EFCAB5: variants seen among roughly 807,000 people sequenced by gnomAD.
The protein encoded by EFCAB5 is EF-hand calcium binding domain 5.
EFCAB5 carries 131 observed loss-of-function variants against 167.9 expected under a neutral mutation model. The observed-to-expected ratio is 0.78, with a 90% CI of 0.68 to 0.90. The LOEUF is 0.90. Ranked by LOEUF, EFCAB5 falls within the 40% of genes least tolerant of loss-of-function variation. The pLI, the probability that EFCAB5 is intolerant of heterozygous loss-of-function variation, is 0.00. For missense variants in EFCAB5, 1,663 were observed against 1,745.2 expected, an observed-to-expected ratio of 0.95 and a Z score of 0.84; for synonymous variants, 574 against 602.8, an observed-to-expected ratio of 0.95 and a Z score of 0.70.
At chr17:30,107,585 TTGAA>T (rs2071465323) in intron 22 of EFCAB5, among the ~76,000 whole-genome samples, 1 of 152,232 alleles carries the variant, frequency 6.6e-6, no homozygotes, top group Non-Finnish European at 1.5e-5. Flanking sequence ...ACTTTTTGTA[TTGAA>T]TATTTTGAGA....
intron 4 of EFCAB5, 28 bp downstream of exon 4, chr17:29,969,395 G>T (rs1176066475): frequency 4.0e-6 from 6 of 1,510,876 alleles, no homozygotes; most frequent in South Asian, 2.7e-5. Context: ...TTCAGTTCAT[G>T]ATCTGTCTCC....
chr17:29,947,172 C>CAA (rs71278523), intron 3 of EFCAB5, among the ~76,000 whole-genome samples: 3 of 66,856 alleles, frequency 4.5e-5, no homozygotes, highest in African/African-American at 1.2e-4. Context: ...GACTCCATCT[C>CAA]AAAAAAAAAA....
chr17:29,991,551 C>T (rs901397767), intron 4 of EFCAB5, among the ~76,000 whole-genome samples: 1 of 152,232 alleles, frequency 6.6e-6, no homozygotes, highest in African/African-American at 2.4e-5. Context: ...GCACAGATCG[C>T]TCATGCTATT....
chr17:30,040,600 A>C (rs772006123), intron 8 of EFCAB5, among the ~76,000 whole-genome samples: 14 of 152,254 alleles, frequency 9.2e-5, no homozygotes, highest in Non-Finnish European at 1.8e-4. Context: ...CCATACATCC[A>C]GAAGTTAATC....
At chr17:30,036,585 A>G (rs905286362) in intron 8 of EFCAB5, among the ~76,000 whole-genome samples, 2 of 151,460 alleles carry the variant, frequency 1.3e-5, no homozygotes, top group African/African-American at 4.9e-5. Context: ...ATGTACCACC[A>G]TGCCTGGCTA....
At chr17:29,931,261 G>T (rs2067190046) in intron 1 of EFCAB5, among the ~76,000 whole-genome samples, 1 of 152,200 alleles carries the variant, frequency 6.6e-6, no homozygotes, top group Admixed American at 6.5e-5. Flanking sequence ...GGAGTTTGCA[G>T]TTATTAAAAC....
intron 7 of EFCAB5, among the ~76,000 whole-genome samples, chr17:30,033,981 T>C (rs990495039): frequency 6.6e-6 from 1 of 152,226 alleles, no homozygotes; most frequent in Non-Finnish European, 1.5e-5. Context: ...TGATGTGATA[T>C]AGAGGGAAAT....
At chr17:29,985,613 G>A (rs1480530738) in intron 4 of EFCAB5, among the ~76,000 whole-genome samples, 3 of 152,184 alleles carry the variant, frequency 2.0e-5, no homozygotes, top group Non-Finnish European at 4.4e-5. Flanking sequence ...GAAACAAAGG[G>A]ATGGGCTGAA....
At chr17:30,071,722 T>C (rs897621926) in intron 14 of EFCAB5, among the ~76,000 whole-genome samples, 3 of 152,210 alleles carry the variant, frequency 2.0e-5, no homozygotes, top group Non-Finnish European at 4.4e-5. Flanking sequence ...TTACTCACAA[T>C]AGCTGAGATA....
intron 4 of EFCAB5, 95 bp from the exon 5 acceptor site, chr17:29,993,070 A>T: frequency 1.6e-6 from 2 of 1,274,336 alleles, no homozygotes; most frequent in Non-Finnish European, 2.1e-6. Context: ...AAAGACAGGC[A>T]AACATTTTCA....
At chr17:30,105,187 A>G (rs1333398372) in intron 22 of EFCAB5, among the ~76,000 whole-genome samples, 1 of 152,154 alleles carries the variant, frequency 6.6e-6, no homozygotes, top group Non-Finnish European at 1.5e-5. Flanking sequence ...TTTCCAGGAA[A>G]CTAATTAACA....
At chr17:29,998,931 A>G (rs1408456200) in intron 6 of EFCAB5, among the ~76,000 whole-genome samples, 1 of 152,200 alleles carries the variant, frequency 6.6e-6, no homozygotes, top group Admixed American at 6.5e-5. Flanking sequence ...TAACGGTCAC[A>G]TTCATCATTA....
At chr17:30,096,063 T>C (rs2071282244) in intron 22 of EFCAB5, among the ~76,000 whole-genome samples, 2 of 152,204 alleles carry the variant, frequency 1.3e-5, no homozygotes, top group Admixed American at 6.5e-5. Flanking sequence ...AAATGCCTTT[T>C]AGTTACGAGT....
chr17:29,938,677 C>T (rs1006128601), upstream of EFCAB5, among the ~76,000 whole-genome samples: 2 of 152,204 alleles, frequency 1.3e-5, no homozygotes, highest in African/African-American at 4.8e-5. Flanking sequence ...AGGAGTGATT[C>T]CACCTCAAGA....
chr17:30,070,716 G>A (rs1028390645), intron 14 of EFCAB5, among the ~76,000 whole-genome samples: 9 of 152,062 alleles, frequency 5.9e-5, no homozygotes, highest in Non-Finnish European at 1.0e-4. Context: ...TTGGGAGGCT[G>A]AGGCAGGTGG....
intron 7 of EFCAB5, among the ~76,000 whole-genome samples, chr17:30,002,251 T>G (rs567661901): frequency 6.6e-6 from 1 of 152,296 alleles, no homozygotes; most frequent in Non-Finnish European, 1.5e-5. Flanking sequence ...AGGTCCCATA[T>G]GCCCTTCATC....
intron 4 of EFCAB5, among the ~76,000 whole-genome samples, chr17:29,971,536 G>T (rs1302247981): frequency 6.6e-6 from 1 of 151,800 alleles, no homozygotes; most frequent in African/African-American, 2.4e-5. Context: ...TATCTCAATG[G>T]GAAAATGTAC....
chr17:29,945,811 A>C (rs1172975535), intron 3 of EFCAB5, among the ~76,000 whole-genome samples: 1 of 152,166 alleles, frequency 6.6e-6, no homozygotes, highest in Admixed American at 6.6e-5. Context: ...CTGCATCCCT[A>C]TCTCTCACCT....
chr17:30,090,485 C>T lies in EFCAB5; in HGVS notation c.3748C>T (p.His1250Tyr). ...VVLASACGET[H>Y]IVVPLRERTG... ...TCTGGCTTCTGCCTGTGGAGAAACG[C>T]ATATAGTAGTTCCACTTCGTGAGAG... is the stretch of plus-strand genomic sequence containing the variant. The change falls in exon 20 of 23, where the codon CAT becomes TAT. Residue 1250 changes from histidine (H) to tyrosine (Y), a missense_variant. Physicochemically the swap from His to Tyr is moderately conservative, Grantham distance 83 (BLOSUM62 2). Coordinates refer to ENST00000394835, the MANE Select transcript of EFCAB5 (RefSeq NM_198529.4). The T allele has an allele frequency of 1.2e-6, 2 of 1,613,962 alleles. No homozygotes were observed. Among genetic ancestry groups the T allele is most frequent in the Non-Finnish European group, 1.7e-6 (2 of 1,179,878 alleles).
Sources: allele counts gnomAD v4.1 joint callset (sites outside exome capture counted in the v4.1 genomes callset), GRCh38; gene constraint gnomAD v4.1.1; transcripts MANE v1.5; gene names NCBI Gene and HGNC (gene_info 2026-07-23, HGNC 2026-07-21).